The following LMO7 variants were observed in gnomAD, a reference collection of about 807,000 sequenced individuals.
The protein encoded by LMO7 is LIM domain 7, also known as LIM domain only protein 7.
In LMO7, 120 loss-of-function variants were observed where a neutral mutation model predicts 206.5. The observed-to-expected ratio is 0.58, with a 90% CI of 0.50 to 0.68. The LOEUF is 0.68. Ranked by LOEUF, LMO7 falls within the 30% of genes least tolerant of loss-of-function variation. The probability of loss-of-function intolerance (pLI) is 0.00; values close to 1 mark genes in which losing one functional copy is unlikely to be tolerated. For synonymous variants in LMO7, 706 were observed against 681.5 expected (o/e 1.04, Z -0.56); for missense variants, 1,959 against 1,957.9 (o/e 1.00, Z -0.01).
At chr13:75,709,952 A>C (rs901087452) in intron 1 of LMO7, among the ~76,000 whole-genome samples, 1 of 152,164 alleles carries the variant, frequency 6.6e-6, no homozygotes, top group African/African-American at 2.4e-5. Context: ...TAAGTCTTTA[A>C]TCCTTCTTGA....
At chr13:75,636,227 C>T, upstream of LMO7, 5 of 913,582 alleles carry the variant, frequency 5.5e-6, no homozygotes, top group Non-Finnish European at 6.5e-6. Flanking sequence ...AAGGGAGGGG[C>T]AGACGGAAGC....
Position 75,665,590 on chromosome 13 carries a change from G to A in LMO7, c.69+28864G>A, listed in dbSNP as rs570303626. Among the ~76,000 whole-genome samples the A allele has an allele frequency of 6.6e-5, 10 of 151,622 alleles. No homozygotes were observed. The South Asian group carries it at 1.5e-3, about 22-fold the overall frequency. On this transcript the variant is annotated intron_variant, in intron 1 of 30. Transcript: ENST00000377534. The stretch of plus-strand genomic sequence containing the variant: ...ACCCCAGGCTGGAGTGCAATGGCGC[G>A]ATCTCAGCTCACGGCAACCTCCGCC...
In LMO7 at chr13:75,841,201, G is replaced by A. The variant is rs1447144836; in HGVS notation, c.3675G>A (p.Glu1225=). 1 of 1,595,858 alleles carries A rather than the reference G, an allele frequency of 6.3e-7. No individual in the cohort carries two copies. The highest frequency in any genetic ancestry group is 1.3e-5 in the African/African-American group (1 of 74,614). ...AERENSKYLD[E]ELMVLSSNSM... is the part of the protein sequence containing the mutation. ...GAGAGAATTCCAAGTACTTGGATGAGGTAGTGTTAGAACATGCCTGTTTAG... is the reference window on the plus strand; with the variant it reads ...GAGAGAATTCCAAGTACTTGGATGAAGTAGTGTTAGAACATGCCTGTTTAG... Residue 1225 remains glutamate (E), a splice_region_variant and synonymous_variant, in exon 23 of 31, where the codon GAG becomes GAA. Coordinates refer to ENST00000377534, the MANE Select transcript of LMO7 (RefSeq NM_001306080.2).
rs145315075 is a variant in LMO7 at position 75,838,280 on chromosome 13, A to C, written c.3451+84A>C. Reference sequence around the variant, plus strand: ...TTCCTCATGGTCTGTGGTGCTGGGCACTGAGCCTCTTCAATTTGTCTGTCA... The same window carrying C: ...TTCCTCATGGTCTGTGGTGCTGGGCCCTGAGCCTCTTCAATTTGTCTGTCA... On this transcript the variant is annotated intron_variant, in intron 20 of 30. Coordinates refer to ENST00000377534, the MANE Select transcript of LMO7 (RefSeq NM_001306080.2). The C allele has an allele frequency of 1.1e-3, 1,704 of 1,519,860 alleles. 22 individuals are homozygous for C. The African/African-American group carries it at 0.02, about 18-fold the overall frequency. The allele number at this position is 1,519,860 out of a possible 1,614,324, so 94.1% of individuals were successfully genotyped here. A position where few individuals can be genotyped will look rare whatever the true frequency, so the allele number is the denominator to read the frequency against.
intron 1 of LMO7, among the ~76,000 whole-genome samples, chr13:75,703,740 GCAC>G (rs2042453273): frequency 8.7e-6 from 1 of 115,082 alleles, no homozygotes; most frequent in African/African-American, 3.7e-5. Flanking sequence ...GTGTGTGTGT[GCAC>G]TGTGAGGACA....
chr13:75,760,972 G>T lies in LMO7; in HGVS notation c.251G>T (p.Gly84Val). Reference sequence around the variant, plus strand: ...TTCTTGAAAGCTTGTGAACAGATTGGATTGAAAGAAGCCCAGCTTTTCCAT... The same window carrying T: ...TTCTTGAAAGCTTGTGAACAGATTGTATTGAAAGAAGCCCAGCTTTTCCAT... ...NVFLKACEQI[G>V]LKEAQLFHPG... The change falls in exon 4 of 31, where the codon GGA (glycine) becomes GTA (valine). Residue 84 changes from glycine to valine, a missense_variant. Coordinates refer to ENST00000377534, the MANE Select transcript of LMO7 (RefSeq NM_001306080.2). The T allele has an allele frequency of 6.2e-7, 1 of 1,613,506 alleles. No individual in the cohort carries two copies. The highest frequency in any genetic ancestry group is 1.3e-5 in the African/African-American group (1 of 75,004).
intron 3 of LMO7, among the ~76,000 whole-genome samples, chr13:75,744,598 C>A (rs1471208847): frequency 6.6e-6 from 1 of 152,192 alleles, no homozygotes; most frequent in Non-Finnish European, 1.5e-5. Context: ...AAGGGAAGAG[C>A]AAATGAAGTT....
intron 1 of LMO7, among the ~76,000 whole-genome samples, chr13:75,689,839 G>C (rs7993121): frequency 6.6e-6 from 1 of 152,088 alleles, no homozygotes; most frequent in Non-Finnish European, 1.5e-5. Flanking sequence ...TTTGGGACAC[G>C]GACTGGCTTC....
Position 75,737,777 on chromosome 13 carries a change from T to TTAA in LMO7, c.210+10679_210+10680insTAA, listed in dbSNP as rs1555305719. Among the ~76,000 whole-genome samples the TTAA allele has an allele frequency of 3.1e-3, 70 of 22,708 alleles. 2 individuals carry two copies. The highest frequency in any genetic ancestry group is 0.012 in the African/African-American group (57 of 4,616). 14.9% of individuals were successfully genotyped at this position (22,708 alleles called of 152,430 possible). ...CAAAAAAAAAAAAAATAAAATAAAA[T>TTAA]AAAATAAAAAAAAAAAAAAAAAAAC... is the stretch of plus-strand genomic sequence containing the variant. On this transcript the variant is annotated intron_variant, in intron 3 of 30. Transcript: ENST00000377534.
At chr13:75,690,689 A>G (rs1309506397) in intron 1 of LMO7, among the ~76,000 whole-genome samples, 1 of 152,186 alleles carries the variant, frequency 6.6e-6, no homozygotes, top group African/African-American at 2.4e-5. Context: ...ATTCCAGTAA[A>G]ACTTTACTTA....
chr13:75,813,751 C>G (rs1289926810), intron 11 of LMO7, among the ~76,000 whole-genome samples: 2 of 152,234 alleles, frequency 1.3e-5, no homozygotes, highest in African/African-American at 4.8e-5. Flanking sequence ...CATGGGAAGA[C>G]ACCTTAGCAT....
At chr13:75,663,651 C>T (rs946757179) in intron 1 of LMO7, among the ~76,000 whole-genome samples, 3 of 151,874 alleles carry the variant, frequency 2.0e-5, no homozygotes, top group Non-Finnish European at 2.9e-5. Flanking sequence ...AGGATGGTCT[C>T]GATCTCATGA....
chr13:75,785,238 T>C (rs1276012635), intron 4 of LMO7, among the ~76,000 whole-genome samples: 1 of 152,170 alleles, frequency 6.6e-6, no homozygotes, highest in African/African-American at 2.4e-5. Context: ...TTTAAAAATA[T>C]AGTAAGGTAG....
intron 1 of LMO7, among the ~76,000 whole-genome samples, chr13:75,699,159 C>T (rs545472753): frequency 5.9e-5 from 9 of 152,046 alleles, no homozygotes; most frequent in East Asian, 1.9e-4. Context: ...TCAGGAAGTA[C>T]GTTTCCTGAT....
At chr13:75,830,769 T>C (rs1013671147) in intron 15 of LMO7, among the ~76,000 whole-genome samples, 2 of 152,212 alleles carry the variant, frequency 1.3e-5, no homozygotes, top group East Asian at 1.9e-4. Flanking sequence ...GGGCTTAAGC[T>C]CATTCTCTTT....
In LMO7 at chr13:75,834,406, C is replaced by G. The variant is rs1263599120; in HGVS notation, c.3226+19C>G. 6.5e-7 allele frequency: 1 copy of G among 1,533,758 alleles called. No individual in the cohort carries two copies. ...AAGGCTGGTGAGTTTGTGTTACCACCATGTCTGGCATTTGAAACTGGGACC... is the reference window on the plus strand; with the variant it reads ...AAGGCTGGTGAGTTTGTGTTACCACGATGTCTGGCATTTGAAACTGGGACC... On this transcript the variant is annotated intron_variant, in intron 17 of 30. Transcript: ENST00000377534.
At chr13:75,837,666 G>T (rs1317912873) in intron 19 of LMO7, among the ~76,000 whole-genome samples, 1 of 151,804 alleles carries the variant, frequency 6.6e-6, no homozygotes, top group Non-Finnish European at 1.5e-5. Context: ...TTAGTATTTT[G>T]TTTTCTTTGA....
chr13:75,790,952 T>G (rs2053197118), intron 4 of LMO7, among the ~76,000 whole-genome samples: 1 of 151,970 alleles, frequency 6.6e-6, no homozygotes, highest in African/African-American at 2.4e-5. Flanking sequence ...AGGTATTTTT[T>G]TTTGCAACTA....
intron 1 of LMO7, among the ~76,000 whole-genome samples, chr13:75,676,792 A>T (rs1047223980): frequency 3.3e-5 from 5 of 152,186 alleles, no homozygotes; most frequent in African/African-American, 7.2e-5. Flanking sequence ...TTTTAAACAA[A>T]AACAGTGATT....
Sources: gnomAD v4.1 joint callset for allele counts (sites outside exome capture counted in the v4.1 genomes callset) on GRCh38, gnomAD v4.1.1 for gene constraint, MANE v1.5 for transcripts, NCBI Gene and HGNC (gene_info 2026-07-23, HGNC 2026-07-21) for gene names.